Variants in PPARD observed in about 807,000 individuals in gnomAD.
The protein encoded by PPARD is peroxisome proliferator activated receptor delta, also known as peroxisome proliferator-activated receptor delta.
In PPARD, 6 loss-of-function variants were observed where a neutral mutation model predicts 39.5. The observed-to-expected ratio is 0.15, with a 90% CI of 0.08 to 0.30. The LOEUF (loss-of-function observed/expected upper bound fraction) is 0.30, where lower values mean the gene tolerates loss of function less well. Among genes scored for constraint, PPARD ranks in the 10% least tolerant of loss-of-function variants. The pLI is 1.00. For missense variants in PPARD, 397 were observed against 596.8 expected (o/e 0.67, Z 3.49); for synonymous variants, 210 against 231.3 (o/e 0.91, Z 0.83).
rs2150504740 is a variant in PPARD, at chr6:35,363,753, A to G, written c.-102+16603A>G. On this transcript the variant is annotated intron_variant, in intron 2 of 7. Coordinates refer to ENST00000360694, the MANE Select transcript of PPARD (RefSeq NM_006238.5). This position sits in a 1 kb window ranked among gnomAD's most constrained non-coding sequence, Gnocchi z 4.5. ...AGCCTTTTGGGGCTGGAGGGCATGG[A>G]CAGGGTGACTGATGCCTGAGCCACA... 6.6e-6 allele frequency among the ~76,000 whole-genome samples: 1 copy of G among 152,288 alleles called. No individual in the cohort carries two copies. The highest frequency in any genetic ancestry group is 1.9e-4 in the East Asian group (1 of 5,186).
chr6:35,378,655 T>C (rs1423244130), intron 2 of PPARD, among the ~76,000 whole-genome samples: 1 of 152,236 alleles, frequency 6.6e-6, no homozygotes, highest in African/African-American at 2.4e-5. Context: ...GCTGCACTTC[T>C]GAAAGGCGCA....
intron 2 of PPARD, among the ~76,000 whole-genome samples, chr6:35,381,339 T>C (rs1049322009): frequency 2.0e-5 from 3 of 152,174 alleles, no homozygotes; most frequent in Admixed American, 2.0e-4. Context: ...CGATGAGTAA[T>C]TTAAGAAAAC....
chr6:35,364,274 C>T (rs1762069280), intron 2 of PPARD, among the ~76,000 whole-genome samples: 1 of 152,018 alleles, frequency 6.6e-6, no homozygotes, highest in South Asian at 2.1e-4. Flanking sequence ...GTATATATTC[C>T]ATTTTATTTA....
intron 2 of PPARD, among the ~76,000 whole-genome samples, chr6:35,371,359 C>T (rs771698950): frequency 8.5e-5 from 13 of 152,068 alleles, no homozygotes; most frequent in Non-Finnish European, 1.5e-4. Context: ...TGCCCTCTCT[C>T]CTCTCCCTCC....
At chr6:35,360,310 G>T (rs1230032872) in intron 2 of PPARD, among the ~76,000 whole-genome samples, 1 of 152,168 alleles carries the variant, frequency 6.6e-6, no homozygotes, top group Non-Finnish European at 1.5e-5. Flanking sequence ...AGTGAAAAGA[G>T]AAAAGTTGGC....
chr6:35,347,046 G>A lies in PPARD; in HGVS notation c.-185-21G>A. 5 of 1,472,112 alleles carry A rather than the reference G, an allele frequency of 3.4e-6. No individual in the cohort carries two copies. In the South Asian group the frequency reaches 4.9e-5, roughly 15 times the overall value. 91.2% of individuals were successfully genotyped at this position (1,472,112 alleles called of 1,614,324 possible). A position where few individuals can be genotyped will look rare whatever the true frequency, so the allele number is the denominator to read the frequency against. Reference sequence around the variant, plus strand: ...CTGGCACCTGTCAGCTAAAGCTGTTGGGGTTTTTTCTATCCTGCAGTGTTG... The same window carrying A: ...CTGGCACCTGTCAGCTAAAGCTGTTAGGGTTTTTTCTATCCTGCAGTGTTG... On this transcript the variant is annotated intron_variant, in intron 1 of 7. Transcript: ENST00000360694.
rs1436555378 is a variant in PPARD at position 35,387,154 on chromosome 6, G to A, written c.-101-23833G>A. The stretch of plus-strand genomic sequence containing the variant: ...AGGTTTTGGCTACCAAGCAAAAGGT[G>A]GAGTTGCATCAGTTGTTGCTCTTTA... On this transcript the variant is annotated intron_variant, in intron 2 of 7. Coordinates refer to ENST00000360694, the MANE Select transcript of PPARD (RefSeq NM_006238.5). Among the ~76,000 whole-genome samples the A allele has an allele frequency of 1.3e-5, 2 of 152,090 alleles. 1 individual carries two copies.
chr6:35,391,986 A>C (rs1764031656), intron 2 of PPARD, among the ~76,000 whole-genome samples: 1 of 151,956 alleles, frequency 6.6e-6, no homozygotes. Flanking sequence ...GACCACTCAG[A>C]TGTTGTGCTC....
At chr6:35,395,070 T>TCCAC (rs1764239404) in intron 2 of PPARD, among the ~76,000 whole-genome samples, 2 of 152,144 alleles carry the variant, frequency 1.3e-5, no homozygotes, top group African/African-American at 4.8e-5. Flanking sequence ...TGTAGCCCAC[T>TCCAC]TGCTGTCTTC....
chr6:35,386,721 G>A (rs896152094), intron 2 of PPARD, among the ~76,000 whole-genome samples: 2 of 152,060 alleles, frequency 1.3e-5, no homozygotes, highest in Non-Finnish European at 2.9e-5. Context: ...AAGGTGAAGA[G>A]CAAGGCTTCA....
intron 5 of PPARD, among the ~76,000 whole-genome samples, chr6:35,422,381 C>A (rs983220565): frequency 6.6e-6 from 1 of 152,166 alleles, no homozygotes; most frequent in African/African-American, 2.4e-5. Context: ...CAGGCAGTAA[C>A]CAGTAAGTAA....
At position 35,412,748 on chromosome 6, in the gene PPARD, G is replaced by A. The variant is rs1372938585; in HGVS notation, c.130+1531G>A. ...CCAAAGTAGGCCAAATGTGATTCTA[G>A]GGCCAAAGTGAAGGTGTCCGCCATT... On this transcript the variant is annotated intron_variant, in intron 3 of 7. Transcript: ENST00000360694. The surrounding 1 kb of genome is among the most constrained non-coding windows in gnomAD (Gnocchi z 4.1). 6.6e-6 allele frequency among the ~76,000 whole-genome samples: 1 copy of A among 152,154 alleles called. No homozygotes were observed. Among genetic ancestry groups the A allele is most frequent in the Non-Finnish European group, 1.5e-5 (1 of 68,020 alleles).
intron 2 of PPARD, among the ~76,000 whole-genome samples, chr6:35,400,240 A>G (rs1764617950): frequency 6.6e-6 from 1 of 152,104 alleles, no homozygotes; most frequent in South Asian, 2.1e-4. Context: ...CCTGCTGGCC[A>G]CCCACTCAGT....
Position 35,363,114 on chromosome 6 carries a change from G to C in PPARD, c.-102+15964G>C, listed in dbSNP as rs1762011014. Among the ~76,000 whole-genome samples, 1 of 152,120 alleles carries C rather than the reference G, an allele frequency of 6.6e-6. No individual in the cohort carries two copies. Among genetic ancestry groups the C allele is most frequent in the Non-Finnish European group, 1.5e-5 (1 of 68,030 alleles). On this transcript the variant is annotated intron_variant, in intron 2 of 7. Coordinates refer to ENST00000360694, the MANE Select transcript of PPARD (RefSeq NM_006238.5). The surrounding 1 kb of genome is among the most constrained non-coding windows in gnomAD (Gnocchi z 4.5). The stretch of plus-strand genomic sequence containing the variant: ...AAGCAAGGGAGAAAATTGAAGATGG[G>C]GTATTTTGTGGGGAACAAGCTATGC...
chr6:35,365,382 C>T (rs1299289026), intron 2 of PPARD, among the ~76,000 whole-genome samples: 4 of 150,758 alleles, frequency 2.7e-5, no homozygotes, highest in Non-Finnish European at 2.9e-5. Context: ...CCTCATGATC[C>T]GCCCGCCTCG....
intron 2 of PPARD, among the ~76,000 whole-genome samples, chr6:35,376,229 G>A (rs1244567861): frequency 6.6e-6 from 1 of 152,106 alleles, no homozygotes; most frequent in African/African-American, 2.4e-5. Flanking sequence ...TCTTTCTTAA[G>A]TTCTGGAAAA....
chr6:35,388,555 T>C, intron 2 of PPARD, among the ~76,000 whole-genome samples: 1 of 151,976 alleles, frequency 6.6e-6, no homozygotes, highest in East Asian at 1.9e-4. Context: ...CTATTAAAAT[T>C]ACAAAAAGTA....
chr6:35,397,330 G>GC (rs9658116), intron 2 of PPARD, among the ~76,000 whole-genome samples: 57 of 151,998 alleles, frequency 3.8e-4, no homozygotes, highest in East Asian at 5.8e-4. Context: ...GAAAAATGAA[G>GC]CCCCCCCTCC....
At chr6:35,344,241 G>A (rs368193782) in intron 1 of PPARD, among the ~76,000 whole-genome samples, 1 of 151,770 alleles carries the variant, frequency 6.6e-6, no homozygotes, top group South Asian at 2.1e-4. Flanking sequence ...TTTTCCCTGG[G>A]AGCTTAATTT....
Sources: gnomAD v4.1 joint callset for allele counts (sites outside exome capture counted in the v4.1 genomes callset) on GRCh38, gnomAD v4.1.1 for gene constraint, Gnocchi (gnomAD v3.1) non-coding constraint, MANE v1.5 for transcripts, NCBI Gene and HGNC (gene_info 2026-07-23, HGNC 2026-07-21) for gene names.